The following ARID2 variants were observed in gnomAD, a reference collection of about 807,000 sequenced individuals.
ARID2 encodes AT-rich interactive domain-containing protein 2.
In ARID2, 32 loss-of-function variants were observed where a neutral mutation model predicts 184.6. That is an observed-to-expected ratio of 0.17 (90% CI 0.13 to 0.23). The LOEUF is 0.23. Ranked by LOEUF, ARID2 falls within the 10% of genes least tolerant of loss-of-function variation. The pLI, the probability that ARID2 is intolerant of heterozygous loss-of-function variation, is 1.00. For missense variants in ARID2, 1,696 were observed against 2,197.6 expected (o/e 0.77, Z 4.56); for synonymous variants, 836 against 772.6 (o/e 1.08, Z -1.36).
intron 3 of ARID2, among the ~76,000 whole-genome samples, chr12:45,737,662 A>AT (rs1941157437): frequency 6.6e-6 from 1 of 152,030 alleles, no homozygotes; most frequent in Non-Finnish European, 1.5e-5. Flanking sequence ...AATTTGATTA[A>AT]TATGTATTTC....
At chr12:45,761,538 A>G (rs1338661085) in intron 3 of ARID2, among the ~76,000 whole-genome samples, 1 of 152,090 alleles carries the variant, frequency 6.6e-6, no homozygotes, top group African/African-American at 2.4e-5. Flanking sequence ...AGGATAGGGT[A>G]ATGTTTTATT....
intron 3 of ARID2, 68 bp from the exon 4 acceptor site, chr12:45,811,347 TATG>T: frequency 1.4e-6 from 2 of 1,448,554 alleles, no homozygotes; most frequent in Admixed American, 2.3e-5. Context: ...GGAAAACAAA[TATG>T]TGGTGAGAGT....
intron 3 of ARID2, among the ~76,000 whole-genome samples, chr12:45,768,393 G>A (rs185445827): frequency 3.3e-4 from 50 of 152,274 alleles, no homozygotes; most frequent in African/African-American, 1.0e-3. Context: ...GGAGAGGCAA[G>A]TTGAGACCCG....
chr12:45,761,701 C>CT lies in ARID2; in HGVS notation c.284+30397dup, dbSNP rs911572944. Among the ~76,000 whole-genome samples the CT allele has an allele frequency of 1.1e-3, 157 of 149,300 alleles. 2 individuals carry two copies. The highest frequency in any genetic ancestry group is 1.0e-3 in the Admixed American group (15 of 14,944). On this transcript the variant is annotated intron_variant, in intron 3 of 20. Transcript: ENST00000334344. The stretch of plus-strand genomic sequence containing the variant: ...TTACTCCAGTACATTTAGGTATGGA[C>CT]TTTTTTTTTTCCTTATCTTTTCTCC...
At chr12:45,823,129 C>T (rs184879398) in intron 6 of ARID2, among the ~76,000 whole-genome samples, 464 of 151,932 alleles carry the variant, frequency 3.1e-3, no homozygotes, top group Non-Finnish European at 3.8e-3. Flanking sequence ...CTTCTTATAT[C>T]GCAATGGAAT....
intron 6 of ARID2, among the ~76,000 whole-genome samples, chr12:45,830,965 G>A (rs1271109804): frequency 6.6e-6 from 1 of 151,822 alleles, no homozygotes; most frequent in Non-Finnish European, 1.5e-5. Context: ...GGCTGAGGCA[G>A]GAGAATCACT....
At chr12:45,765,330 T>C (rs1057272283) in intron 3 of ARID2, among the ~76,000 whole-genome samples, 4 of 151,936 alleles carry the variant, frequency 2.6e-5, no homozygotes, top group African/African-American at 9.7e-5. Flanking sequence ...TGATAGCCTC[T>C]CAAGTAGCTG....
At chr12:45,731,547 C>T (rs188213487) in intron 3 of ARID2, among the ~76,000 whole-genome samples, 107 of 152,276 alleles carry the variant, frequency 7.0e-4, no homozygotes, top group Admixed American at 2.0e-3. Flanking sequence ...AGGTGACACC[C>T]CAGCCCCAAT....
At chr12:45,898,026 G>A (rs1944392441) in intron 20 of ARID2, among the ~76,000 whole-genome samples, 1 of 151,822 alleles carries the variant, frequency 6.6e-6, no homozygotes, top group African/African-American at 2.4e-5. Flanking sequence ...TTGAACTTCT[G>A]GGCTCAAGCA....
chr12:45,784,701 T>A (rs531488570), intron 3 of ARID2, among the ~76,000 whole-genome samples: 10 of 152,278 alleles, frequency 6.6e-5, no homozygotes, highest in South Asian at 2.1e-4. Flanking sequence ...AGGTTTTGAT[T>A]AATTCTTTGT....
At chr12:45,730,161 T>G in intron 2 of ARID2, 24 bp downstream of exon 2, 3 of 1,609,560 alleles carry the variant, frequency 1.9e-6, no homozygotes, top group Non-Finnish European at 1.7e-6. Context: ...TTAATTTGTA[T>G]TTCCCTCTCG....
intron 15 of ARID2, among the ~76,000 whole-genome samples, chr12:45,860,169 T>C (rs1943718701): frequency 6.6e-6 from 1 of 152,240 alleles, no homozygotes; most frequent in Non-Finnish European, 1.5e-5. Flanking sequence ...TATAGTGAGC[T>C]ATGATTATGC....
At chr12:45,732,523 C>A (rs1182148712) in intron 3 of ARID2, among the ~76,000 whole-genome samples, 1 of 152,102 alleles carries the variant, frequency 6.6e-6, no homozygotes, top group East Asian at 1.9e-4. Context: ...TGTCAGAGTA[C>A]ATTTTAAATT....
intron 3 of ARID2, among the ~76,000 whole-genome samples, chr12:45,751,507 T>C (rs1298717286): frequency 6.6e-6 from 1 of 152,202 alleles, no homozygotes; most frequent in African/African-American, 2.4e-5. Context: ...CTTTGTTGTG[T>C]ATAGATGTTG....
intron 3 of ARID2, among the ~76,000 whole-genome samples, chr12:45,801,048 C>T (rs980084644): frequency 1.3e-5 from 2 of 152,176 alleles, no homozygotes; most frequent in Non-Finnish European, 2.9e-5. Context: ...ATTACTTTCT[C>T]ACGCCTGTAA....
rs542224630 is a variant in ARID2 at position 45,831,597 on chromosome 12, G to A, written c.706-4992G>A. Among the ~76,000 whole-genome samples the A allele has an allele frequency of 2.5e-4, 38 of 152,118 alleles. No homozygotes were observed. The South Asian group carries it at 6.0e-3, about 24-fold the overall frequency. On this transcript the variant is annotated intron_variant, in intron 6 of 20. Coordinates refer to ENST00000334344, the MANE Select transcript of ARID2 (RefSeq NM_152641.4). ...TTGTAGTCACTCTGTTTTGCTATCA[G>A]ATACTAAATCTTATTCATTCTGTCC... is the stretch of plus-strand genomic sequence containing the variant.
chr12:45,774,254 AT>A (rs1157789334), intron 3 of ARID2, among the ~76,000 whole-genome samples: 2 of 152,188 alleles, frequency 1.3e-5, no homozygotes, highest in Admixed American at 6.5e-5. Context: ...TAAATTACTT[AT>A]ATTCAGGTTT....
In ARID2 at chr12:45,899,681, TTATATATATATGGTTA is replaced by T. The variant is rs1220208881; in HGVS notation, c.5364-5227_5364-5212del. The stretch of plus-strand genomic sequence containing the variant: ...TATATATATATATGGTTATATATGG[TTATATATATATGGTTA>T]TATATATATATGGTTATATATATAT... On this transcript the variant is annotated intron_variant, in intron 20 of 20. Coordinates refer to ENST00000334344, the MANE Select transcript of ARID2 (RefSeq NM_152641.4). 4.2e-4 allele frequency among the ~76,000 whole-genome samples: 23 copies of T among 54,826 alleles called. No homozygotes were observed. In the South Asian group the frequency reaches 5.6e-3, roughly 13 times the overall value. 36.0% of individuals were successfully genotyped at this position (54,826 alleles called of 152,430 possible).
intron 3 of ARID2, among the ~76,000 whole-genome samples, chr12:45,752,914 C>T (rs1422947566): frequency 6.6e-6 from 1 of 152,226 alleles, no homozygotes; most frequent in Non-Finnish European, 1.5e-5. Context: ...GTAGTTTACT[C>T]TTAAGAGTCA....
Sources: gnomAD v4.1 joint callset for allele counts (sites outside exome capture counted in the v4.1 genomes callset) on GRCh38, gnomAD v4.1.1 for gene constraint, MANE v1.5 for transcripts, NCBI Gene and HGNC (gene_info 2026-07-23, HGNC 2026-07-21) for gene names.